COG5: variants seen among roughly 807,000 people sequenced by gnomAD.
COG5 encodes the protein component of oligomeric golgi complex 5, also known as conserved oligomeric Golgi complex subunit 5.
COG5 carries 86 observed loss-of-function variants against 110.4 expected under a neutral mutation model. The ratio of observed to expected loss-of-function variants is 0.78; its 90% CI spans 0.65 to 0.93. The LOEUF (loss-of-function observed/expected upper bound fraction) is 0.93. COG5 is among the 40% of genes least tolerant of loss of function. The pLI is 0.00. For synonymous variants in COG5, 360 were observed against 334.6 expected (o/e 1.08, Z -0.83); for missense variants, 1,077 against 987.0 (o/e 1.09, Z -1.22).
At chr7:107,336,107 C>G (rs1020824704) in intron 10 of COG5, among the ~76,000 whole-genome samples, 18 of 152,146 alleles carry the variant, frequency 1.2e-4, no homozygotes, top group Non-Finnish European at 2.2e-4. Flanking sequence ...TCTGTACTCC[C>G]TTGTTTAATG....
chr7:107,561,975 C>CA lies in COG5; in HGVS notation c.94+1827dup, dbSNP rs113097945. On this transcript the variant is annotated intron_variant, in intron 1 of 21. Coordinates refer to ENST00000297135, the MANE Select transcript of COG5 (RefSeq NM_006348.5). Reference sequence around the variant, plus strand: ...TGGGCAACAGCGCGAGACTCCGTCTCAAAAAAAAAAAAGAAAGAAAGAAAG... The same window carrying CA: ...TGGGCAACAGCGCGAGACTCCGTCTCAAAAAAAAAAAAAGAAAGAAAGAAAG... Among the ~76,000 whole-genome samples the CA allele has an allele frequency of 2.1e-3, 250 of 121,222 alleles. 1 individual carries two copies. The highest frequency in any genetic ancestry group is 4.2e-3 in the Middle Eastern group (1 of 236). 79.5% of individuals were successfully genotyped at this position (121,222 alleles called of 152,430 possible). A position where few individuals can be genotyped will look rare whatever the true frequency, so the allele number is the denominator to read the frequency against.
intron 21 of COG5, 35 bp downstream of exon 21, chr7:107,210,491 G>C: frequency 6.4e-7 from 1 of 1,570,466 alleles, no homozygotes. Flanking sequence ...TGGGCTTCCA[G>C]ACCAGATGGG....
At chr7:107,311,034 G>A (rs899994714) in intron 11 of COG5, among the ~76,000 whole-genome samples, 2 of 152,160 alleles carry the variant, frequency 1.3e-5, no homozygotes, top group Admixed American at 6.5e-5. Context: ...CATTTGGGTT[G>A]TGTGCAATTT....
chr7:107,278,037 T>C (rs1804843699), intron 14 of COG5, among the ~76,000 whole-genome samples: 2 of 152,164 alleles, frequency 1.3e-5, no homozygotes, highest in South Asian at 2.1e-4. Context: ...TAACTAAGTA[T>C]ACTAAAACGT....
At chr7:107,492,203 G>GTGTGTGTGTA (rs1012856940) in intron 6 of COG5, among the ~76,000 whole-genome samples, 3 of 150,926 alleles carry the variant, frequency 2.0e-5, no homozygotes, top group African/African-American at 7.3e-5. Context: ...GTGTGTGTGT[G>GTGTGTGTGTA]TAGTTTATTT....
intron 10 of COG5, among the ~76,000 whole-genome samples, chr7:107,325,640 A>T (rs952048629): frequency 6.6e-6 from 1 of 151,750 alleles, no homozygotes; most frequent in African/African-American, 2.4e-5. Flanking sequence ...AACAGACCAA[A>T]ACTCAGTCTC....
chr7:107,550,755 G>C (rs552569209), intron 3 of COG5, among the ~76,000 whole-genome samples: 2 of 152,230 alleles, frequency 1.3e-5, no homozygotes, highest in East Asian at 3.9e-4. Flanking sequence ...GCCCAGGCTG[G>C]GGTGCACTGG....
At chr7:107,214,499 T>A (rs113062334) in intron 19 of COG5, among the ~76,000 whole-genome samples, 1 of 151,612 alleles carries the variant, frequency 6.6e-6, no homozygotes, top group African/African-American at 2.4e-5. Context: ...GCTGCTAATT[T>A]AATAAAATAT....
rs367548969 is a variant in COG5, at chr7:107,528,237, G to A, written c.418-880C>T. The stretch of plus-strand genomic sequence containing the variant: ...CTCCCAAGTAGCTGGGACTACAGGC[G>A]TGTGCCACCATGCCTGGCTAATTGT... On this transcript the variant is annotated intron_variant, in intron 5 of 21. Coordinates refer to ENST00000297135, the MANE Select transcript of COG5 (RefSeq NM_006348.5). 3.5e-4 allele frequency among the ~76,000 whole-genome samples: 53 copies of A among 152,028 alleles called. No homozygotes were observed. The East Asian group carries it at 9.3e-3, about 27-fold the overall frequency.
chr7:107,297,443 CTT>C (rs71314693), intron 12 of COG5, among the ~76,000 whole-genome samples: 230 of 77,968 alleles, frequency 2.9e-3, no homozygotes, highest in African/African-American at 0.011. Flanking sequence ...TACATTCTGC[CTT>C]TTTTTTTTTT....
intron 10 of COG5, among the ~76,000 whole-genome samples, chr7:107,346,548 A>G (rs951789410): frequency 1.3e-4 from 20 of 152,180 alleles, no homozygotes; most frequent in African/African-American, 4.8e-4. Flanking sequence ...AAGTCTAAGC[A>G]TTCCCTAGGA....
Position 107,208,522 on chromosome 7 carries a change from T to G in COG5, c.2375+2004A>C, listed in dbSNP as rs1798929184. 5 of 985,436 alleles carry G rather than the reference T, an allele frequency of 5.1e-6. No individual in the cohort carries two copies. The Middle Eastern group carries it at 1.6e-3, about 309-fold the overall frequency. 61.0% of individuals were successfully genotyped at this position (985,436 alleles called of 1,614,324 possible). On this transcript the variant is annotated intron_variant, in intron 21 of 21. Coordinates refer to ENST00000297135, the MANE Select transcript of COG5 (RefSeq NM_006348.5). The stretch of plus-strand genomic sequence containing the variant: ...CTCTTTTTAAGACGACTGAGTGTGT[T>G]GCAGCTGAGTGAATCTTTGGGACTC...
At chr7:107,375,507 GCCAAAAATTCAAATGATCATTCC>G (rs1814559205) in intron 7 of COG5, among the ~76,000 whole-genome samples, 1 of 151,962 alleles carries the variant, frequency 6.6e-6, no homozygotes, top group African/African-American at 2.4e-5. Flanking sequence ...CCACAAATTT[GCCAAAAATTCAAATGATCATTCC>G]TTTAATTCTG....
chr7:107,352,422 C>A (rs1194305178), intron 10 of COG5, among the ~76,000 whole-genome samples: 1 of 148,694 alleles, frequency 6.7e-6, no homozygotes, highest in Admixed American at 6.7e-5. Context: ...AACAAACCTG[C>A]ACGTTGTGTA....
At position 107,298,303 on chromosome 7, in the gene COG5, T is replaced by C; in HGVS notation, c.1152A>G (p.Lys384=). 1 of 1,613,692 alleles carries C rather than the reference T, an allele frequency of 6.2e-7. No individual in the cohort carries two copies. Among genetic ancestry groups the C allele is most frequent in the East Asian group, 2.2e-5 (1 of 44,804 alleles). Reference sequence around the variant, plus strand: ...ATAAGTCATTATAAAGACGTAATAATTTAGGGTATTCTCCTTCAAATGCCT... The same window carrying C: ...ATAAGTCATTATAAAGACGTAATAACTTAGGGTATTCTCCTTCAAATGCCT... ...LKQAFEGEYP[K]LLRLYNDLWK... Residue 384 remains lysine (K), a synonymous_variant, in exon 12 of 22, where the codon AAA becomes AAG. Transcript: ENST00000297135.
chr7:107,505,939 G>T (rs919822514), intron 6 of COG5, among the ~76,000 whole-genome samples: 2 of 152,186 alleles, frequency 1.3e-5, no homozygotes, highest in African/African-American at 2.4e-5. Context: ...CTGTCCTCAA[G>T]TCTCCCAGCA....
At position 107,442,132 on chromosome 7, in the gene COG5, T is replaced by C. The variant is rs945664213; in HGVS notation, c.539-29500A>G. The stretch of plus-strand genomic sequence containing the variant: ...CCTGGTGGGAGGTGGCTGGATCATG[T>C]TGGCAGACATCCCCCCCTGTTCTTG... On this transcript the variant is annotated intron_variant, in intron 6 of 21. Coordinates refer to ENST00000297135, the MANE Select transcript of COG5 (RefSeq NM_006348.5). Among the ~76,000 whole-genome samples the C allele has an allele frequency of 3.3e-5, 5 of 152,290 alleles. No homozygotes were observed. The South Asian group carries it at 8.3e-4, about 25-fold the overall frequency.
At chr7:107,536,214 C>G (rs909032600) in intron 5 of COG5, among the ~76,000 whole-genome samples, 1 of 152,100 alleles carries the variant, frequency 6.6e-6, no homozygotes, top group African/African-American at 2.4e-5. Context: ...TGGCACAAGT[C>G]AAGGATGCCC....
intron 8 of COG5, among the ~76,000 whole-genome samples, chr7:107,370,121 T>G (rs1005427790): frequency 6.6e-6 from 1 of 152,086 alleles, no homozygotes; most frequent in East Asian, 1.9e-4. Flanking sequence ...GTATAATTTT[T>G]TTTCTCTTCT....
Sources: gnomAD v4.1 joint callset for allele counts (sites outside exome capture counted in the v4.1 genomes callset) on GRCh38, gnomAD v4.1.1 for gene constraint, MANE v1.5 for transcripts, NCBI Gene and HGNC (gene_info 2026-07-23, HGNC 2026-07-21) for gene names.